Variants in FAT3 observed in about 807,000 individuals in gnomAD.
The protein encoded by FAT3 is protocadherin Fat 3.
Under a neutral mutation model 310.2 loss-of-function variants are expected in FAT3, and 95 were observed. The observed-to-expected ratio is 0.31, with a 90% CI of 0.26 to 0.36. The LOEUF (loss-of-function observed/expected upper bound fraction) is 0.36, where lower values mean the gene tolerates loss of function less well. Ranked by LOEUF, FAT3 falls within the 10% of genes least tolerant of loss-of-function variation. The pLI is 1.00. For missense variants in FAT3, 5,408 were observed against 5,715.6 expected (o/e 0.95, Z 1.74); for synonymous variants, 2,314 against 2,192.9 (o/e 1.06, Z -1.54).
At position 92,876,524 on chromosome 11, in the gene FAT3, C is replaced by G. The variant is rs148741987; in HGVS notation, c.12128-4207C>G. Among the ~76,000 whole-genome samples, 998 of 152,250 alleles carry G rather than the reference C, an allele frequency of 6.6e-3. 9 individuals carry two copies. Among genetic ancestry groups the G allele is most frequent in the African/African-American group, 0.023 (950 of 41,544 alleles). ...AACAATGGCCTTTCCTTAGGAGCTC[C>G]TTGGTCTTTCCTTGGCTTTGCGTTT... On this transcript the variant is annotated intron_variant, in intron 22 of 27. Coordinates refer to ENST00000525166, the MANE Select transcript of FAT3 (RefSeq NM_001367949.2).
In FAT3 at chr11:92,806,456, A is replaced by G; in HGVS notation, c.9188A>G (p.Tyr3063Cys). The G allele has an allele frequency of 6.3e-7, 1 of 1,578,060 alleles. No individual in the cohort carries two copies. The highest frequency in any genetic ancestry group is 1.9e-5 in the Admixed American group (1 of 53,700). Residue 3063 changes from tyrosine to cysteine, a missense_variant, in exon 12 of 28, where the codon TAT becomes TGT. By Grantham distance (194) the Tyr-to-Cys change is radical (BLOSUM62 -2). Coordinates refer to ENST00000525166, the MANE Select transcript of FAT3 (RefSeq NM_001367949.2). ...GATGCTGATATTGGATCCAATGGAT[A>G]TATACGATACTCACTCTATGGATCT... The part of the protein sequence containing the change: ...AKDADIGSNG[Y>C]IRYSLYGSGN...
Position 92,281,459 on chromosome 11 carries a change from G to A in FAT3, c.-18+56285G>A, listed in dbSNP as rs533777866. ...GATCTGGCTACCTGGAAAGCCTTCCGCACACTCCCTTGCTGATCAGGATGC... is the reference window on the plus strand; with the variant it reads ...GATCTGGCTACCTGGAAAGCCTTCCACACACTCCCTTGCTGATCAGGATGC... On this transcript the variant is annotated intron_variant, in intron 1 of 27. Coordinates refer to ENST00000525166, the MANE Select transcript of FAT3 (RefSeq NM_001367949.2). Among the ~76,000 whole-genome samples, 10 of 152,194 alleles carry A rather than the reference G, an allele frequency of 6.6e-5. No individual in the cohort carries two copies. The East Asian group carries it at 1.4e-3, about 21-fold the overall frequency.
At chr11:92,557,686 G>T (rs545636289) in intron 3 of FAT3, among the ~76,000 whole-genome samples, 1 of 152,354 alleles carries the variant, frequency 6.6e-6, no homozygotes, top group African/African-American at 2.4e-5. Flanking sequence ...CAGTCAGACT[G>T]TAGGATGCCT....
intron 1 of FAT3, among the ~76,000 whole-genome samples, chr11:92,296,471 A>G (rs575866673): frequency 1.3e-5 from 2 of 152,098 alleles, no homozygotes; most frequent in East Asian, 1.9e-4. Flanking sequence ...GTTGGCTGCC[A>G]TGGTAGCTGC....
At chr11:92,437,637 A>G (rs912272655) in intron 2 of FAT3, among the ~76,000 whole-genome samples, 6 of 152,212 alleles carry the variant, frequency 3.9e-5, no homozygotes, top group African/African-American at 1.4e-4. Context: ...TCAATTTTCA[A>G]CAGGTGTCAG....
intron 3 of FAT3, among the ~76,000 whole-genome samples, chr11:92,677,508 C>G (rs1943325853): frequency 6.6e-6 from 1 of 152,160 alleles, no homozygotes; most frequent in Admixed American, 6.5e-5. Context: ...AATTTTCTGC[C>G]AGCAGGATTA....
intron 3 of FAT3, among the ~76,000 whole-genome samples, chr11:92,684,786 A>G (rs1333937725): frequency 6.6e-6 from 1 of 152,110 alleles, no homozygotes; most frequent in Admixed American, 6.5e-5. Context: ...ATTTGCAGCT[A>G]TCTGATTCTT....
At position 92,856,052 on chromosome 11, in the gene FAT3, C is replaced by T. The variant is rs1263530621; in HGVS notation, c.11366-1162C>T. On this transcript the variant is annotated intron_variant, in intron 19 of 27. Transcript: ENST00000525166. ...CTAGTGTGCAGTGGCATAATCATAGCTCACTGTAACCTCAAATTTCTGACC... is the reference window on the plus strand; with the variant it reads ...CTAGTGTGCAGTGGCATAATCATAGTTCACTGTAACCTCAAATTTCTGACC... 2.7e-5 allele frequency among the ~76,000 whole-genome samples: 4 copies of T among 146,862 alleles called. No homozygotes were observed. The East Asian group carries it at 8.0e-4, about 29-fold the overall frequency.
intron 13 of FAT3, among the ~76,000 whole-genome samples, chr11:92,816,646 G>C (rs1347081717): frequency 6.6e-6 from 1 of 152,214 alleles, no homozygotes; most frequent in Non-Finnish European, 1.5e-5. Flanking sequence ...GGGAAAGTTA[G>C]CCTCAAGGGT....
chr11:92,638,440 T>C (rs1941846901), intron 3 of FAT3, among the ~76,000 whole-genome samples: 1 of 152,200 alleles, frequency 6.6e-6, no homozygotes, highest in East Asian at 1.9e-4. Context: ...TTATAGCATC[T>C]CTCTTATTCT....
At chr11:92,564,522 C>T (rs139131350) in intron 3 of FAT3, among the ~76,000 whole-genome samples, 39,657 of 151,616 alleles carry the variant, frequency 0.26, 6,891 homozygotes, top group Non-Finnish European at 0.39. Flanking sequence ...GAACTCAGCT[C>T]TGCACCAAGT....
At chr11:92,366,759 G>A (rs1949033079) in intron 2 of FAT3, 2 of 532,790 alleles carry the variant, frequency 3.8e-6, no homozygotes, top group Non-Finnish European at 3.8e-6. Context: ...TTCCAAAAGA[G>A]TAGAGCTCTG....
intron 2 of FAT3, among the ~76,000 whole-genome samples, chr11:92,510,831 C>A (rs531810486): frequency 1.3e-5 from 2 of 152,212 alleles, no homozygotes; most frequent in African/African-American, 4.8e-5. Flanking sequence ...GCTTGCATTT[C>A]AGTGCATAAT....
rs184757322 is a variant in FAT3, at chr11:92,760,793, T to C, written c.3670-1063T>C. Among the ~76,000 whole-genome samples, 780 of 152,190 alleles carry C rather than the reference T, an allele frequency of 5.1e-3. 6 individuals are homozygous for C. The highest frequency in any genetic ancestry group is 7.8e-3 in the Non-Finnish European group (532 of 68,022). ...TCATACTGATTATCACTATGACTAA[T>C]AAGAAAATTATTTACACTAGGATGC... On this transcript the variant is annotated intron_variant, in intron 4 of 27. Coordinates refer to ENST00000525166, the MANE Select transcript of FAT3 (RefSeq NM_001367949.2).
chr11:92,888,109 T>C (rs937021219), intron 25 of FAT3, among the ~76,000 whole-genome samples: 3 of 152,170 alleles, frequency 2.0e-5, no homozygotes, highest in South Asian at 2.1e-4. Context: ...TCCAAGACCA[T>C]AGAAGCAATC....
chr11:92,473,239 G>A (rs1213923821), intron 2 of FAT3, among the ~76,000 whole-genome samples: 1 of 152,058 alleles, frequency 6.6e-6, no homozygotes, highest in Non-Finnish European at 1.5e-5. Flanking sequence ...AATTGGCGCA[G>A]TACTTACCAT....
chr11:92,350,335 A>G (rs1054987043), intron 1 of FAT3, among the ~76,000 whole-genome samples: 6 of 149,882 alleles, frequency 4.0e-5, no homozygotes, highest in African/African-American at 1.5e-4. Flanking sequence ...ATATTTTAAT[A>G]TGTTAAACTC....
At chr11:92,882,228 C>T (rs1949684798) in intron 23 of FAT3, among the ~76,000 whole-genome samples, 1 of 152,298 alleles carries the variant, frequency 6.6e-6, no homozygotes, top group South Asian at 2.1e-4. Context: ...ATATGTTTCA[C>T]TGCAGAAACA....
At chr11:92,723,108 A>C (rs1160971448) in intron 4 of FAT3, among the ~76,000 whole-genome samples, 2 of 152,100 alleles carry the variant, frequency 1.3e-5, no homozygotes. Flanking sequence ...TTTCTATTGC[A>C]TTGTCAAGCT....
Sources: gnomAD v4.1 joint callset for allele counts (sites outside exome capture counted in the v4.1 genomes callset) on GRCh38, gnomAD v4.1.1 for gene constraint, MANE v1.5 for transcripts, NCBI Gene and HGNC (gene_info 2026-07-23, HGNC 2026-07-21) for gene names.